WDFY3: variants seen among roughly 807,000 people sequenced by gnomAD.
WDFY3 encodes the protein WD repeat and FYVE domain-containing protein 3.
A neutral mutation model predicts 409.6 loss-of-function variants in WDFY3; 66 were observed. That is an observed-to-expected ratio of 0.16 (90% CI 0.13 to 0.20). The LOEUF (loss-of-function observed/expected upper bound fraction) is 0.20, where lower values mean the gene tolerates loss of function less well. WDFY3 is among the 10% of genes least tolerant of loss of function. The pLI, the probability that WDFY3 is intolerant of heterozygous loss-of-function variation, is 1.00. For missense variants in WDFY3, 3,031 were observed against 4,298.1 expected, an observed-to-expected ratio of 0.71 and a Z score of 8.24; for synonymous variants, 1,521 against 1,537.1, an observed-to-expected ratio of 0.99 and a Z score of 0.25.
intron 1 of WDFY3, among the ~76,000 whole-genome samples, chr4:84,955,022 T>C (rs1029810930): frequency 2.0e-5 from 3 of 152,092 alleles, no homozygotes; most frequent in African/African-American, 7.2e-5. Context: ...CTGGCCAATA[T>C]GGCAAAACTC....
intron 3 of WDFY3, among the ~76,000 whole-genome samples, chr4:84,865,854 A>G (rs1002978600): frequency 2.0e-5 from 3 of 152,114 alleles, no homozygotes; most frequent in Admixed American, 2.0e-4. Flanking sequence ...CAGATCCTTT[A>G]AGCTCAGGAG....
intron 27 of WDFY3, among the ~76,000 whole-genome samples, chr4:84,776,157 T>C (rs1745511278): frequency 6.6e-6 from 1 of 151,974 alleles, no homozygotes; most frequent in African/African-American, 2.4e-5. Flanking sequence ...ATGTATACAA[T>C]AGCATAAAAA....
intron 23 of WDFY3, 87 bp downstream of exon 23, chr4:84,787,395 A>G: frequency 7.7e-7 from 1 of 1,300,684 alleles, no homozygotes; most frequent in Non-Finnish European, 1.1e-6. Context: ...TAGATTAACA[A>G]TATGTATAAC....
At chr4:84,841,885 T>C (rs1278328731) in intron 5 of WDFY3, among the ~76,000 whole-genome samples, 1 of 152,142 alleles carries the variant, frequency 6.6e-6, no homozygotes, top group African/African-American at 2.4e-5. Context: ...AGTAGTAATG[T>C]GTATGACAGA....
In WDFY3 at chr4:84,684,128, G is replaced by A; in HGVS notation, c.9544-3C>T. 6.5e-7 allele frequency: 1 copy of A among 1,538,282 alleles called. No individual in the cohort carries two copies. Among genetic ancestry groups the A allele is most frequent in the Non-Finnish European group, 8.8e-7 (1 of 1,130,340 alleles). On this transcript the variant is annotated splice_polypyrimidine_tract_variant and splice_region_variant and intron_variant, in intron 62 of 67. Coordinates refer to ENST00000295888, the MANE Select transcript of WDFY3 (RefSeq NM_014991.6). ...CCAGCGCAGGACACAATGTCCCCCT[G>A]AGAAGAGAGAGAAAAACGTCATTCT...
At position 84,756,177 on chromosome 4, in the gene WDFY3, AT is replaced by A. The variant is rs959468949; in HGVS notation, c.5424+748del. On this transcript the variant is annotated intron_variant, in intron 33 of 67. Transcript: ENST00000295888. ...TGTGGATGCTATCTATCATTAAGTA[AT>A]TTTTTTTTCCTAATCCGAATTTGCA... is the stretch of plus-strand genomic sequence containing the variant. 9.9e-5 allele frequency among the ~76,000 whole-genome samples: 15 copies of A among 151,800 alleles called. No individual in the cohort carries two copies. In the South Asian group the frequency reaches 1.5e-3, roughly 15 times the overall value.
chr4:84,907,941 A>C (rs941471307), intron 2 of WDFY3, among the ~76,000 whole-genome samples: 1 of 152,146 alleles, frequency 6.6e-6, no homozygotes, highest in African/African-American at 2.4e-5. Context: ...GAAGAGGAGG[A>C]GGAGGAGAAG....
intron 58 of WDFY3, among the ~76,000 whole-genome samples, chr4:84,694,352 T>C (rs1729759841): frequency 6.6e-6 from 1 of 152,320 alleles, no homozygotes; most frequent in Admixed American, 6.5e-5. Context: ...TTTCTGAGGA[T>C]GGCTTTACTT....
intron 64 of WDFY3, among the ~76,000 whole-genome samples, chr4:84,682,122 G>A (rs533871493): frequency 6.6e-6 from 1 of 152,248 alleles, no homozygotes; most frequent in East Asian, 1.9e-4. Context: ...TGGTACTCTA[G>A]GAAGTAAGTG....
intron 23 of WDFY3, 125 bp downstream of exon 23, chr4:84,787,354 TGAA>T: frequency 3.6e-6 from 3 of 826,812 alleles, no homozygotes; most frequent in East Asian, 2.7e-5. Context: ...AGTATCCTGC[TGAA>T]GAAGATTAGA....
intron 1 of WDFY3, among the ~76,000 whole-genome samples, chr4:84,936,420 C>G (rs1292547864): frequency 6.6e-6 from 1 of 152,016 alleles, no homozygotes; most frequent in African/African-American, 2.4e-5. Context: ...ACTTAGGAGT[C>G]TGAGGCAGGA....
intron 3 of WDFY3, among the ~76,000 whole-genome samples, chr4:84,866,994 A>G (rs767508342): frequency 1.3e-5 from 2 of 152,186 alleles, no homozygotes; most frequent in African/African-American, 4.8e-5. Context: ...AAACCTTTAT[A>G]AACACACCCG....
chr4:84,863,954 T>C (rs1761018261), intron 3 of WDFY3, among the ~76,000 whole-genome samples: 1 of 152,222 alleles, frequency 6.6e-6, no homozygotes, highest in Non-Finnish European at 1.5e-5. Flanking sequence ...CTTTGTAATA[T>C]ATTTTGATAT....
At chr4:84,851,758 A>C (rs1341065615) in intron 4 of WDFY3, among the ~76,000 whole-genome samples, 1 of 152,162 alleles carries the variant, frequency 6.6e-6, no homozygotes, top group Non-Finnish European at 1.5e-5. Flanking sequence ...CTCATATTAT[A>C]CTAGTCCCCC....
At chr4:84,898,029 A>G (rs1579039730) in intron 2 of WDFY3, among the ~76,000 whole-genome samples, 1 of 152,328 alleles carries the variant, frequency 6.6e-6, no homozygotes, top group Non-Finnish European at 1.5e-5. Flanking sequence ...AGGGATTATA[A>G]CCTATGGCAT....
chr4:84,749,547 A>T (rs1203223233), intron 36 of WDFY3, among the ~76,000 whole-genome samples: 1 of 152,198 alleles, frequency 6.6e-6, no homozygotes, highest in Non-Finnish European at 1.5e-5. Flanking sequence ...CTCAAATAAC[A>T]TCATTTCCTT....
At chr4:84,843,536 C>A (rs1757671439) in intron 5 of WDFY3, among the ~76,000 whole-genome samples, 1 of 152,070 alleles carries the variant, frequency 6.6e-6, no homozygotes, top group South Asian at 2.1e-4. Context: ...CTGGGACTAA[C>A]AGTATGCACC....
In WDFY3 at chr4:84,678,291, A is replaced by G; in HGVS notation, c.10148-12T>C. On this transcript the variant is annotated splice_polypyrimidine_tract_variant and intron_variant, in intron 65 of 67. Coordinates refer to ENST00000295888, the MANE Select transcript of WDFY3 (RefSeq NM_014991.6). ...TTCCCATCGGTACCCTGGAATGGAG[A>G]AGTGGAGGACACAACATAACTCAAC... 6.3e-7 allele frequency: 1 copy of G among 1,598,176 alleles called. No individual in the cohort carries two copies. The highest frequency in any genetic ancestry group is 1.1e-5 in the South Asian group (1 of 90,770).
intron 25 of WDFY3, among the ~76,000 whole-genome samples, chr4:84,780,533 T>G (rs558145451): frequency 6.6e-6 from 1 of 152,180 alleles, no homozygotes; most frequent in Non-Finnish European, 1.5e-5. Context: ...CCGAAGCAAG[T>G]GGATCACAAG....
Sources: gnomAD v4.1 joint callset for allele counts (sites outside exome capture counted in the v4.1 genomes callset) on GRCh38, gnomAD v4.1.1 for gene constraint, MANE v1.5 for transcripts, NCBI Gene and HGNC (gene_info 2026-07-23, HGNC 2026-07-21) for gene names.